INTS2: variants seen among roughly 807,000 people sequenced by gnomAD.
INTS2 encodes the protein integrator complex subunit 2, also known as KIAA1287.
Under a neutral mutation model 139.6 loss-of-function variants are expected in INTS2, and 57 were observed. That is an observed-to-expected ratio of 0.41 (90% CI 0.33 to 0.51). INTS2 has a LOEUF of 0.51. INTS2 is among the 20% of genes least tolerant of loss of function. INTS2 has a pLI of 0.28. For missense variants in INTS2, 1,196 were observed against 1,436.7 expected, an observed-to-expected ratio of 0.83 and a Z score of 2.71; for synonymous variants, 473 against 493.4, an observed-to-expected ratio of 0.96 and a Z score of 0.55.
chr17:61,892,711 G>A (rs565473401), intron 13 of INTS2, among the ~76,000 whole-genome samples: 10 of 151,620 alleles, frequency 6.6e-5, no homozygotes, highest in African/African-American at 1.5e-4. Context: ...TTGGGAGGCC[G>A]AGGTGGGTGG....
At chr17:61,915,471 C>T (rs1433583467) in intron 5 of INTS2, among the ~76,000 whole-genome samples, 1 of 146,004 alleles carries the variant, frequency 6.8e-6, no homozygotes, top group African/African-American at 2.5e-5. Flanking sequence ...GGTTGCAGTG[C>T]GCCGAGATTG....
chr17:61,890,609 C>CAAAA (rs11312680), intron 14 of INTS2, among the ~76,000 whole-genome samples: 1 of 119,612 alleles, frequency 8.4e-6, no homozygotes, highest in Non-Finnish European at 1.8e-5. Context: ...GACTCTGTCT[C>CAAAA]AAAAAAAAAA....
chr17:61,900,988 A>G (rs1353564098), intron 9 of INTS2, among the ~76,000 whole-genome samples: 1 of 150,336 alleles, frequency 6.7e-6, no homozygotes, highest in Non-Finnish European at 1.5e-5. Flanking sequence ...TGAACAATTA[A>G]TATTGGCTGG....
chr17:61,878,956 A>T (rs971752290), intron 17 of INTS2, among the ~76,000 whole-genome samples: 2 of 138,732 alleles, frequency 1.4e-5, no homozygotes, highest in Non-Finnish European at 3.2e-5. Flanking sequence ...AAAAAAAAAC[A>T]CTTTACTGAC....
chr17:61,903,123 C>T (rs1197911867), intron 9 of INTS2, among the ~76,000 whole-genome samples: 7 of 140,690 alleles, frequency 5.0e-5, no homozygotes, highest in African/African-American at 1.6e-4. Flanking sequence ...CAAGATATCG[C>T]ACCACTGCAC....
At position 61,870,828 on chromosome 17, in the gene INTS2, G is replaced by C. The variant is rs559364973; in HGVS notation, c.2779-840C>G. Among the ~76,000 whole-genome samples, 8 of 152,176 alleles carry C rather than the reference G, an allele frequency of 5.3e-5. No individual in the cohort carries two copies. Among genetic ancestry groups the C allele is most frequent in the Admixed American group, 3.3e-4 (5 of 15,282 alleles). On this transcript the variant is annotated intron_variant, in intron 20 of 24. Coordinates refer to ENST00000251334, the MANE Select transcript of INTS2 (RefSeq NM_001351695.2). The surrounding 1 kb of genome is among the most constrained non-coding windows in gnomAD (Gnocchi z 4.4). The stretch of plus-strand genomic sequence containing the variant: ...TGTTTTGTTTTCTTTTGTTGTTGTT[G>C]ACTCAGGAGCCAGAGTGCCTAGGAG...
In INTS2 at chr17:61,893,816, A is replaced by T. The variant is rs1603377288; in HGVS notation, c.1647T>A (p.Ile549=). ...AGGAACGGCTCCTGAGAAGCTGGTA[A>T]ATACAATGAATAGGCAAAAATCCAG... ...NITGFLPIHC[I]YQLLRSRSFT... Residue 549 remains isoleucine, a synonymous_variant, in exon 13 of 25, where the codon ATT becomes ATA. Coordinates refer to ENST00000251334, the MANE Select transcript of INTS2 (RefSeq NM_001351695.2). The surrounding 1 kb of genome is among the most constrained non-coding windows in gnomAD (Gnocchi z 5.4). The T allele has an allele frequency of 2.5e-6, 4 of 1,584,584 alleles. No homozygotes were observed. In the East Asian group the frequency reaches 6.9e-5, roughly 27 times the overall value.
chr17:61,917,661 T>C (rs1040800158), intron 5 of INTS2, among the ~76,000 whole-genome samples: 1 of 152,138 alleles, frequency 6.6e-6, no homozygotes, highest in Non-Finnish European at 1.5e-5. Flanking sequence ...GCTGAGAAAC[T>C]ACCTATTGGG....
intron 16 of INTS2, among the ~76,000 whole-genome samples, chr17:61,881,658 G>C (rs2079179698): frequency 6.6e-6 from 1 of 152,298 alleles, no homozygotes; most frequent in Middle Eastern, 3.4e-3. Context: ...CTTGTTTCAT[G>C]TGCAGAATAA....
chr17:61,897,653 A>T lies in INTS2; in HGVS notation c.1379+15T>A. The T allele has an allele frequency of 6.3e-7, 1 of 1,594,462 alleles. No homozygotes were observed. The highest frequency in any genetic ancestry group is 8.6e-7 in the Non-Finnish European group (1 of 1,168,590). On this transcript the variant is annotated intron_variant, in intron 10 of 24. Coordinates refer to ENST00000251334, the MANE Select transcript of INTS2 (RefSeq NM_001351695.2). The surrounding 1 kb of genome is among the most constrained non-coding windows in gnomAD (Gnocchi z 4.4). ...AAGAAAAGCTTTCTCAACTAACTAA[A>T]TCAAATTATCTTACCTCTCAAAATA...
chr17:61,912,175 A>G (rs1467510403), intron 5 of INTS2, 105 bp from the exon 6 acceptor site: 1 of 1,188,514 alleles, frequency 8.4e-7, no homozygotes, highest in Non-Finnish European at 1.2e-6. Context: ...ACAACAACAG[A>G]AATTGGCCAA....
At position 61,897,256 on chromosome 17, in the gene INTS2, T is replaced by C. The variant is rs1291918958; in HGVS notation, c.1494+213A>G. ...CTCTGAATCATGGAATTATAAGATATCTTTCCCTTTTCTGTGCTTTCCAAG... is the reference window on the plus strand; with the variant it reads ...CTCTGAATCATGGAATTATAAGATACCTTTCCCTTTTCTGTGCTTTCCAAG... On this transcript the variant is annotated intron_variant, in intron 11 of 24. Coordinates refer to ENST00000251334, the MANE Select transcript of INTS2 (RefSeq NM_001351695.2). This position sits in a 1 kb window ranked among gnomAD's most constrained non-coding sequence, Gnocchi z 4.4. Among the ~76,000 whole-genome samples the C allele has an allele frequency of 1.3e-5, 2 of 152,154 alleles. No individual in the cohort carries two copies. Among genetic ancestry groups the C allele is most frequent in the Non-Finnish European group, 2.9e-5 (2 of 68,022 alleles).
Position 61,875,054 on chromosome 17 carries a change from T to G in INTS2, c.2457-16A>C. Reference sequence around the variant, plus strand: ...TACCCATAGCCTGATAAGAAAATAATCACATGTTCAAAACAGTTTTTTATA... The same window carrying G: ...TACCCATAGCCTGATAAGAAAATAAGCACATGTTCAAAACAGTTTTTTATA... On this transcript the variant is annotated splice_polypyrimidine_tract_variant and intron_variant, in intron 18 of 24. Coordinates refer to ENST00000251334, the MANE Select transcript of INTS2 (RefSeq NM_001351695.2). This position sits in a 1 kb window ranked among gnomAD's most constrained non-coding sequence, Gnocchi z 4.6. The G allele has an allele frequency of 6.4e-7, 1 of 1,564,650 alleles. No individual in the cohort carries two copies. Among genetic ancestry groups the G allele is most frequent in the South Asian group, 1.2e-5 (1 of 83,750 alleles).
At position 61,897,944 on chromosome 17, in the gene INTS2, C is replaced by G. The variant is rs561097538; in HGVS notation, c.1308-205G>C. ...TAGAGCTCAAGAATGAGGACCTTTGCTTTTTTTCATGGATCCCCTCTCAAA... is the reference window on the plus strand; with the variant it reads ...TAGAGCTCAAGAATGAGGACCTTTGGTTTTTTTCATGGATCCCCTCTCAAA... On this transcript the variant is annotated intron_variant, in intron 9 of 24. Coordinates refer to ENST00000251334, the MANE Select transcript of INTS2 (RefSeq NM_001351695.2). The surrounding 1 kb of genome is among the most constrained non-coding windows in gnomAD (Gnocchi z 4.4). Among the ~76,000 whole-genome samples the G allele has an allele frequency of 6.6e-6, 1 of 152,108 alleles. No homozygotes were observed. The highest frequency in any genetic ancestry group is 1.5e-5 in the Non-Finnish European group (1 of 68,022).
intron 14 of INTS2, among the ~76,000 whole-genome samples, chr17:61,890,983 CAAAAAAAA>C (rs753902456): frequency 1.8e-4 from 2 of 11,344 alleles, no homozygotes; most frequent in African/African-American, 6.7e-4. Flanking sequence ...ACTCCAGTCT[CAAAAAAAA>C]AAAAAAAAAA....
intron 3 of INTS2, among the ~76,000 whole-genome samples, chr17:61,923,583 T>C (rs1399071399): frequency 6.6e-6 from 1 of 151,902 alleles, no homozygotes; most frequent in East Asian, 1.9e-4. Context: ...TTGTCCACAA[T>C]TTATAAAACT....
In INTS2 at chr17:61,890,983, CAAAAAAAAAAAAA is replaced by C. The variant is rs753902456; in HGVS notation, c.1875+517_1875+529del. ...GGGTGTCACAGCAAGACTCCAGTCT[CAAAAAAAAAAAAA>C]AAAAAAAAAAAAAAAGGCCAGGCAC... is the stretch of plus-strand genomic sequence containing the variant. On this transcript the variant is annotated intron_variant, in intron 14 of 24. Transcript: ENST00000251334. Among the ~76,000 whole-genome samples, 3 of 11,344 alleles carry C rather than the reference CAAAAAAAAAAAAA, an allele frequency of 2.6e-4. No individual in the cohort carries two copies. In the South Asian group the frequency reaches 0.011, roughly 42 times the overall value. 7.4% of individuals were successfully genotyped at this position (11,344 alleles called of 152,430 possible).
intron 15 of INTS2, among the ~76,000 whole-genome samples, chr17:61,885,874 G>A (rs1415622653): frequency 2.6e-5 from 4 of 150,988 alleles, no homozygotes; most frequent in East Asian, 1.9e-4. Context: ...GATTACAAGC[G>A]CCCACCACCA....
chr17:61,872,156 A>C lies in INTS2; in HGVS notation c.2778+109T>G. On this transcript the variant is annotated intron_variant, in intron 20 of 24. Transcript: ENST00000251334. The surrounding 1 kb of genome is among the most constrained non-coding windows in gnomAD (Gnocchi z 4.8). Reference sequence around the variant, plus strand: ...GATTCTATAATAAAAGAAATGCACAATATGTCACCAATGTACATGGAGCGC... The same window carrying C: ...GATTCTATAATAAAAGAAATGCACACTATGTCACCAATGTACATGGAGCGC... The C allele has an allele frequency of 1.8e-6, 1 of 566,808 alleles. No individual in the cohort carries two copies. The highest frequency in any genetic ancestry group is 2.7e-5 in the East Asian group (1 of 36,454). The allele number at this position is 566,808 out of a possible 1,614,324, so 35.1% of individuals were successfully genotyped here.
Sources: allele counts gnomAD v4.1 joint callset (sites outside exome capture counted in the v4.1 genomes callset), GRCh38; gene constraint gnomAD v4.1.1; non-coding constraint Gnocchi (gnomAD v3.1); transcripts MANE v1.5; gene names NCBI Gene and HGNC (gene_info 2026-07-23, HGNC 2026-07-21).